HDAC9: variants seen among roughly 807,000 people sequenced by gnomAD.
HDAC9 encodes the protein MEF-2 interacting transcription repressor (MITR) protein.
HDAC9 carries 41 observed loss-of-function variants against 139.4 expected under a neutral mutation model. The ratio of observed to expected loss-of-function variants is 0.29; its 90% CI spans 0.23 to 0.38. The LOEUF is 0.38. HDAC9 is among the 10% of genes least tolerant of loss of function. The pLI is 1.00. For synonymous variants in HDAC9, 517 were observed against 476.2 expected (o/e 1.09, Z -1.12); for missense variants, 1,147 against 1,297.0 (o/e 0.88, Z 1.78).
intron 1 of HDAC9, among the ~76,000 whole-genome samples, chr7:18,382,349 C>G (rs974802789): frequency 1.3e-5 from 2 of 152,154 alleles, no homozygotes; most frequent in African/African-American, 2.4e-5. Flanking sequence ...CCATGGTATT[C>G]TGGAAGTTCT....
chr7:18,413,746 A>C (rs1788788607), intron 1 of HDAC9, among the ~76,000 whole-genome samples: 1 of 152,166 alleles, frequency 6.6e-6, no homozygotes, highest in Admixed American at 6.5e-5. Context: ...TACTGTACTT[A>C]GAATTTAGGT....
intron 1 of HDAC9, 101 bp from the exon 2 acceptor site, chr7:18,496,161 G>T (rs961118259): frequency 1.4e-6 from 2 of 1,431,788 alleles, no homozygotes; most frequent in African/African-American, 1.4e-5. Flanking sequence ...AGCTCCTGGG[G>T]CCGGTGCACT....
Position 18,936,251 on chromosome 7 carries a change from G to C in HDAC9, c.2937+309G>C, listed in dbSNP as rs550312401. 1.8e-4 allele frequency among the ~76,000 whole-genome samples: 27 copies of C among 152,070 alleles called. 1 individual carries two copies. The South Asian group carries it at 5.0e-3, about 28-fold the overall frequency. ...AATAAGAAATAAAACTTTAAAAAAT[G>C]TCTGGAGGTTTCTTGTAGGGTTATG... On this transcript the variant is annotated intron_variant, in intron 23 of 25. Coordinates refer to ENST00000686413, the MANE Select transcript of HDAC9 (RefSeq NM_178425.4).
intron 2 of HDAC9, among the ~76,000 whole-genome samples, chr7:18,235,280 AC>A (rs1662249579): frequency 6.6e-6 from 1 of 152,202 alleles, no homozygotes. Flanking sequence ...ATTGAAGTTT[AC>A]CAGAGGTATA....
chr7:18,766,983 A>T (rs1789883100), intron 15 of HDAC9, 123 bp from the exon 16 acceptor site: 1 of 469,884 alleles, frequency 2.1e-6, no homozygotes, highest in Non-Finnish European at 3.8e-6. Context: ...AGTTTTATTA[A>T]TTTATTTTTG....
chr7:18,986,366 A>G (rs2129345492), intron 25 of HDAC9, among the ~76,000 whole-genome samples: 1 of 37,172 alleles, frequency 2.7e-5, no homozygotes, highest in East Asian at 5.5e-4. Context: ...GGTTTGTCAA[A>G]GATCAGATAG....
At chr7:18,783,445 A>G (rs1372094769) in intron 16 of HDAC9, among the ~76,000 whole-genome samples, 1 of 152,134 alleles carries the variant, frequency 6.6e-6, no homozygotes, top group Non-Finnish European at 1.5e-5. Flanking sequence ...AGTGAGATAC[A>G]AAAGACATAG....
chr7:18,871,707 T>G (rs1479800038), intron 21 of HDAC9, among the ~76,000 whole-genome samples: 1 of 152,162 alleles, frequency 6.6e-6, no homozygotes, highest in Non-Finnish European at 1.5e-5. Flanking sequence ...TACCCTCAAA[T>G]GCATTATTCA....
chr7:18,228,991 C>G (rs900255382), intron 2 of HDAC9, among the ~76,000 whole-genome samples: 6 of 152,072 alleles, frequency 3.9e-5, no homozygotes, highest in Non-Finnish European at 8.8e-5. Flanking sequence ...GCTTATTAGA[C>G]TTGTGCAGTT....
intron 2 of HDAC9, among the ~76,000 whole-genome samples, chr7:18,266,038 A>G (rs930807386): frequency 2.0e-5 from 3 of 152,148 alleles, no homozygotes; most frequent in Non-Finnish European, 2.9e-5. Flanking sequence ...TTGTTGGTCT[A>G]TCTTGCACTT....
chr7:18,268,492 T>C (rs1476130540), intron 2 of HDAC9, among the ~76,000 whole-genome samples: 1 of 123,688 alleles, frequency 8.1e-6, no homozygotes, highest in Non-Finnish European at 1.9e-5. Context: ...AAGAACCAAA[T>C]TAAAAAAAAA....
intron 12 of HDAC9, chr7:18,668,929 A>G: frequency 7.2e-6 from 7 of 969,016 alleles, no homozygotes; most frequent in Non-Finnish European, 8.6e-6. Context: ...ATATCAAAAT[A>G]CATTGCCAGT....
chr7:18,981,775 C>A (rs925318667), intron 25 of HDAC9, among the ~76,000 whole-genome samples: 6 of 152,132 alleles, frequency 3.9e-5, no homozygotes, highest in African/African-American at 1.4e-4. Flanking sequence ...TAACTTTAAT[C>A]ACAACTACAA....
At chr7:18,186,431 G>T (rs1354194231) in intron 2 of HDAC9, among the ~76,000 whole-genome samples, 2 of 152,244 alleles carry the variant, frequency 1.3e-5, no homozygotes, top group South Asian at 4.1e-4. Flanking sequence ...TGGTAGGATG[G>T]TGCTTTCTGG....
chr7:18,815,875 C>T (rs1208650399), intron 17 of HDAC9, among the ~76,000 whole-genome samples: 2 of 152,176 alleles, frequency 1.3e-5, no homozygotes, highest in Admixed American at 6.5e-5. Context: ...CTCCCAGATT[C>T]CAGCATGTGA....
intron 1 of HDAC9, among the ~76,000 whole-genome samples, chr7:18,360,862 C>T (rs1435809910): frequency 2.0e-5 from 3 of 152,074 alleles, no homozygotes; most frequent in Admixed American, 1.3e-4. Flanking sequence ...GATTGATTTT[C>T]ATACTAGACA....
At chr7:18,409,079 A>C (rs1362532553) in intron 1 of HDAC9, among the ~76,000 whole-genome samples, 1 of 152,234 alleles carries the variant, frequency 6.6e-6, no homozygotes, top group Non-Finnish European at 1.5e-5. Context: ...GAAAGAAGTC[A>C]GCCCTGGAAT....
chr7:18,216,492 G>C (rs956769196), intron 2 of HDAC9, among the ~76,000 whole-genome samples: 2 of 152,180 alleles, frequency 1.3e-5, no homozygotes, highest in African/African-American at 4.8e-5. Context: ...TTAATAAGGT[G>C]CTCATTGTAA....
intron 24 of HDAC9, among the ~76,000 whole-genome samples, chr7:18,967,398 T>C (rs778923743): frequency 1.2e-4 from 18 of 152,112 alleles, no homozygotes; most frequent in Middle Eastern, 3.2e-3. Flanking sequence ...TACAGTGTCC[T>C]TAATTGCTTC....
Sources: gnomAD v4.1 joint callset for allele counts (sites outside exome capture counted in the v4.1 genomes callset) on GRCh38, gnomAD v4.1.1 for gene constraint, MANE v1.5 for transcripts, NCBI Gene and HGNC (gene_info 2026-07-23, HGNC 2026-07-21) for gene names.